The following SORCS3 variants were observed in gnomAD, a reference collection of about 807,000 sequenced individuals.
SORCS3 encodes sortilin related VPS10 domain containing receptor 3, also known as VPS10 domain-containing receptor SorCS3.
Under a neutral mutation model 146.3 loss-of-function variants are expected in SORCS3, and 57 were observed. That is an observed-to-expected ratio of 0.39 (90% CI 0.31 to 0.49). The LOEUF (loss-of-function observed/expected upper bound fraction) is 0.49, where lower values mean the gene tolerates loss of function less well. SORCS3 is among the 20% of genes least tolerant of loss of function. SORCS3 has a pLI of 0.92. For missense variants in SORCS3, 1,341 were observed against 1,575.5 expected, an observed-to-expected ratio of 0.85 and a Z score of 2.52; for synonymous variants, 653 against 618.5, an observed-to-expected ratio of 1.06 and a Z score of -0.83.
At chr10:105,056,276 G>A (rs1374318609) in intron 5 of SORCS3, among the ~76,000 whole-genome samples, 1 of 152,144 alleles carries the variant, frequency 6.6e-6, no homozygotes, top group East Asian at 1.9e-4. Context: ...ATTGTCATTT[G>A]CATTCTAAGA....
At chr10:104,807,489 G>T (rs1005358276) in intron 1 of SORCS3, among the ~76,000 whole-genome samples, 1 of 150,336 alleles carries the variant, frequency 6.7e-6, no homozygotes, top group African/African-American at 2.5e-5. Flanking sequence ...AACTATCAGG[G>T]CAAGGTAAAA....
At chr10:104,820,198 C>T (rs978784603) in intron 1 of SORCS3, among the ~76,000 whole-genome samples, 4 of 152,108 alleles carry the variant, frequency 2.6e-5, no homozygotes, top group African/African-American at 9.7e-5. Flanking sequence ...ATATTAGGTG[C>T]TGCCATTTAC....
chr10:104,746,851 T>C (rs866544786), intron 1 of SORCS3, among the ~76,000 whole-genome samples: 1 of 152,256 alleles, frequency 6.6e-6, no homozygotes, highest in Non-Finnish European at 1.5e-5. Context: ...ATATGCTGCA[T>C]TAGCCAGGGG....
intron 2 of SORCS3, among the ~76,000 whole-genome samples, chr10:104,885,280 C>T (rs535707550): frequency 6.6e-6 from 1 of 152,288 alleles, no homozygotes; most frequent in South Asian, 2.1e-4. Context: ...ATGCCCTTTT[C>T]AGGATCTTAA....
chr10:104,645,729 T>A (rs2133234839), intron 1 of SORCS3, among the ~76,000 whole-genome samples: 1 of 152,264 alleles, frequency 6.6e-6, no homozygotes, highest in African/African-American at 2.4e-5. Flanking sequence ...TAACACAGAT[T>A]CTCCCAGGCA....
intron 22 of SORCS3, among the ~76,000 whole-genome samples, chr10:105,248,443 C>T (rs1389574493): frequency 1.3e-5 from 2 of 152,104 alleles, no homozygotes; most frequent in African/African-American, 4.8e-5. Context: ...TGTTCAAAGT[C>T]ATGGACTATA....
At chr10:104,707,659 T>C (rs1458766077) in intron 1 of SORCS3, among the ~76,000 whole-genome samples, 1 of 152,236 alleles carries the variant, frequency 6.6e-6, no homozygotes, top group Non-Finnish European at 1.5e-5. Context: ...GATGAGATCC[T>C]ATCCCATGCA....
At chr10:105,226,208 C>A (rs905190786) in intron 20 of SORCS3, among the ~76,000 whole-genome samples, 8 of 151,784 alleles carry the variant, frequency 5.3e-5, no homozygotes, top group Non-Finnish European at 8.9e-5. Flanking sequence ...GTCATATAGC[C>A]TTTACTACAT....
chr10:104,858,281 C>A (rs996144560), intron 2 of SORCS3, among the ~76,000 whole-genome samples: 8 of 151,972 alleles, frequency 5.3e-5, no homozygotes, highest in Admixed American at 3.3e-4. Context: ...GTATTTTTAC[C>A]CATATATCTT....
chr10:104,804,483 T>C (rs185256722), intron 1 of SORCS3, among the ~76,000 whole-genome samples: 81 of 152,322 alleles, frequency 5.3e-4, no homozygotes, highest in Non-Finnish European at 1.0e-3. Flanking sequence ...TGCATGATTT[T>C]ATATATTCTT....
chr10:105,204,605 C>T (rs1410220965), intron 16 of SORCS3, among the ~76,000 whole-genome samples: 3 of 151,482 alleles, frequency 2.0e-5, no homozygotes, highest in Non-Finnish European at 2.9e-5. Flanking sequence ...CCAATCACAC[C>T]TCATATTAAA....
At chr10:104,658,872 G>GA (rs2133245950) in intron 1 of SORCS3, among the ~76,000 whole-genome samples, 2 of 144,794 alleles carry the variant, frequency 1.4e-5, no homozygotes, top group East Asian at 4.0e-4. Flanking sequence ...TTTTGTTTTT[G>GA]TTTTTTTTTT....
chr10:105,189,711 G>A (rs1229924121), intron 14 of SORCS3, among the ~76,000 whole-genome samples: 1 of 152,140 alleles, frequency 6.6e-6, no homozygotes, highest in Non-Finnish European at 1.5e-5. Context: ...AGAGACTTGG[G>A]TTCCAGATCT....
At chr10:104,848,596 C>G (rs1245438586) in intron 2 of SORCS3, among the ~76,000 whole-genome samples, 1 of 152,164 alleles carries the variant, frequency 6.6e-6, no homozygotes, top group East Asian at 1.9e-4. Flanking sequence ...GCCTTCCACC[C>G]CATTCGCTAG....
intron 1 of SORCS3, among the ~76,000 whole-genome samples, chr10:104,797,300 G>A (rs562178150): frequency 1.3e-5 from 2 of 152,342 alleles, no homozygotes; most frequent in Middle Eastern, 3.4e-3. Flanking sequence ...TGAGGTAAAT[G>A]TTTGTTAAAT....
intron 22 of SORCS3, among the ~76,000 whole-genome samples, chr10:105,250,331 T>C (rs1366183327): frequency 6.6e-6 from 1 of 152,140 alleles, no homozygotes; most frequent in Non-Finnish European, 1.5e-5. Flanking sequence ...TTGCAAGGCA[T>C]CCAGAATTGG....
intron 3 of SORCS3, among the ~76,000 whole-genome samples, chr10:104,929,317 TC>T (rs1011525835): frequency 6.6e-6 from 1 of 152,114 alleles, no homozygotes; most frequent in African/African-American, 2.4e-5. Context: ...TCTTCGGCTT[TC>T]CCCCCTGCTC....
intron 6 of SORCS3, among the ~76,000 whole-genome samples, chr10:105,100,019 C>T (rs939470913): frequency 2.0e-5 from 3 of 152,150 alleles, no homozygotes; most frequent in Non-Finnish European, 2.9e-5. Context: ...CAGCCCTTCT[C>T]ACCATATGAG....
Position 105,139,611 on chromosome 10 carries a change from A to G in SORCS3, c.1302+125A>G, listed in dbSNP as rs2056081751. 10 of 686,062 alleles carry G rather than the reference A, an allele frequency of 1.5e-5. No homozygotes were observed. The South Asian group carries it at 1.7e-4, about 12-fold the overall frequency. The allele number at this position is 686,062 out of a possible 1,614,324, so 42.5% of individuals were successfully genotyped here. On this transcript the variant is annotated intron_variant, in intron 8 of 26. Transcript: ENST00000369701. The stretch of plus-strand genomic sequence containing the variant: ...GGACTGCTGGCATTTAGACTCACTC[A>G]CCACCAAGTCGTTTGGCCTCCCTTA...
Sources: allele counts gnomAD v4.1 joint callset (sites outside exome capture counted in the v4.1 genomes callset), GRCh38; gene constraint gnomAD v4.1.1; transcripts MANE v1.5; gene names NCBI Gene and HGNC (gene_info 2026-07-23, HGNC 2026-07-21).